Variants in SORCS3 observed in about 807,000 individuals in gnomAD.
The protein encoded by SORCS3 is VPS10 domain-containing receptor SorCS3.
In SORCS3, 57 loss-of-function variants were observed where a neutral mutation model predicts 146.3. The ratio of observed to expected loss-of-function variants is 0.39; its 90% confidence interval spans 0.31 to 0.49. The LOEUF is 0.49. Ranked by LOEUF, SORCS3 falls within the 20% of genes least tolerant of loss-of-function variation. The pLI, the probability that SORCS3 is intolerant of heterozygous loss-of-function variation, is 0.92. For missense variants in SORCS3, 1,341 were observed against 1,575.5 expected, an observed-to-expected ratio of 0.85 and a Z score of 2.52; for synonymous variants, 653 against 618.5, an observed-to-expected ratio of 1.06 and a Z score of -0.83.
intron 2 of SORCS3, among the ~76,000 whole-genome samples, chr10:104,884,543 C>G (rs1037528908): frequency 1.2e-4 from 18 of 152,112 alleles, no homozygotes; most frequent in African/African-American, 3.9e-4. Context: ...AGGTTTTCAA[C>G]TGGATGAGTA....
intron 3 of SORCS3, among the ~76,000 whole-genome samples, chr10:104,938,831 G>A (rs183251299): frequency 2.6e-5 from 4 of 152,318 alleles, no homozygotes; most frequent in Non-Finnish European, 4.4e-5. Flanking sequence ...GCCTTGCGGG[G>A]GAAGCCGTGA....
chr10:104,885,438 G>A (rs190584488), intron 2 of SORCS3, among the ~76,000 whole-genome samples: 1 of 152,202 alleles, frequency 6.6e-6, no homozygotes, highest in East Asian at 1.9e-4. Flanking sequence ...GAGATCCTTT[G>A]TGTAGGTGGC....
chr10:104,851,582 G>A (rs2018274665), intron 2 of SORCS3, among the ~76,000 whole-genome samples: 1 of 152,126 alleles, frequency 6.6e-6, no homozygotes, highest in Non-Finnish European at 1.5e-5. Context: ...TGCTCTCTAA[G>A]GTAGGCCTTA....
intron 6 of SORCS3, among the ~76,000 whole-genome samples, chr10:105,098,007 G>A (rs2055758498): frequency 6.6e-6 from 1 of 152,176 alleles, no homozygotes; most frequent in South Asian, 2.1e-4. Flanking sequence ...GCAAGATAAA[G>A]CCTAATACTT....
At chr10:104,926,852 G>A (rs917034176) in intron 3 of SORCS3, among the ~76,000 whole-genome samples, 8 of 152,146 alleles carry the variant, frequency 5.3e-5, no homozygotes, top group African/African-American at 1.4e-4. Context: ...ATGATTACTA[G>A]TTTTTTCTTT....
At chr10:104,980,969 T>G (rs1340653244) in intron 4 of SORCS3, among the ~76,000 whole-genome samples, 1 of 152,194 alleles carries the variant, frequency 6.6e-6, no homozygotes, top group African/African-American at 2.4e-5. Context: ...GGGAAACATG[T>G]CTACCTGATA....
rs937614452 is a variant in SORCS3 at position 105,061,524 on chromosome 10, T to C, written c.1028+18396T>C. On this transcript the variant is annotated intron_variant, in intron 5 of 26. Transcript: ENST00000369701. ...GTTAGCCAGGATGCTCTCGATCTCC[T>C]GACCTCGTGATCCACCTGCCTCGGC... Among the ~76,000 whole-genome samples, 13 of 151,996 alleles carry C rather than the reference T, an allele frequency of 8.6e-5. No homozygotes were observed. In the East Asian group the frequency reaches 1.9e-3, roughly 23 times the overall value.
intron 20 of SORCS3, among the ~76,000 whole-genome samples, chr10:105,234,145 A>G (rs1292889477): frequency 1.3e-5 from 2 of 152,136 alleles, no homozygotes; most frequent in Non-Finnish European, 2.9e-5. Context: ...TTTGCAGGGT[A>G]CGGAATTCTA....
At chr10:105,096,341 A>T (rs2055746824) in intron 6 of SORCS3, among the ~76,000 whole-genome samples, 1 of 152,198 alleles carries the variant, frequency 6.6e-6, no homozygotes, top group African/African-American at 2.4e-5. Context: ...AGAGCTTGTT[A>T]AAACATATAC....
chr10:104,747,199 T>C (rs1370042837), intron 1 of SORCS3, among the ~76,000 whole-genome samples: 1 of 152,206 alleles, frequency 6.6e-6, no homozygotes, highest in Non-Finnish European at 1.5e-5. Flanking sequence ...CCAGGATGGA[T>C]GGAAAATAAC....
At position 104,641,976 on chromosome 10, in the gene SORCS3, G is replaced by T; in HGVS notation, c.627+22G>T. On this transcript the variant is annotated intron_variant, in intron 1 of 26. Coordinates refer to ENST00000369701, the MANE Select transcript of SORCS3 (RefSeq NM_014978.3). This position sits in a 1 kb window ranked among gnomAD's most constrained non-coding sequence, Gnocchi z 6.4. Reference sequence around the variant, plus strand: ...CAGCGTGAGTACCCACCCGGCGGCGGGTCCGCCTGTTTCCTGACACCGAAG... The same window carrying T: ...CAGCGTGAGTACCCACCCGGCGGCGTGTCCGCCTGTTTCCTGACACCGAAG... The T allele has an allele frequency of 6.7e-7, 1 of 1,482,176 alleles. No homozygotes were observed. 91.8% of individuals were successfully genotyped at this position (1,482,176 alleles called of 1,614,324 possible).
chr10:105,219,113 GA>G, intron 19 of SORCS3, among the ~76,000 whole-genome samples: 1 of 152,194 alleles, frequency 6.6e-6, no homozygotes, highest in Non-Finnish European at 1.5e-5. Flanking sequence ...GTATCCCCAA[GA>G]CCACCACCAG....
At chr10:104,802,975 G>A (rs1349184331) in intron 1 of SORCS3, among the ~76,000 whole-genome samples, 1 of 138,912 alleles carries the variant, frequency 7.2e-6, no homozygotes, top group Admixed American at 7.1e-5. Flanking sequence ...GAGAGGGGAG[G>A]TAGTTCTGCT....
chr10:104,682,941 T>G (rs1445288660), intron 1 of SORCS3, among the ~76,000 whole-genome samples: 2 of 152,150 alleles, frequency 1.3e-5, no homozygotes, highest in Non-Finnish European at 2.9e-5. Context: ...GTCCAGGATT[T>G]TATCTAGTTG....
chr10:104,652,410 C>A (rs1352972456), intron 1 of SORCS3, among the ~76,000 whole-genome samples: 4 of 152,136 alleles, frequency 2.6e-5, no homozygotes, highest in Admixed American at 6.5e-5. Context: ...ATCCTGTTTA[C>A]TCCCTTTATG....
intron 3 of SORCS3, among the ~76,000 whole-genome samples, chr10:104,929,305 T>C (rs1180671578): frequency 6.6e-6 from 1 of 152,186 alleles, no homozygotes; most frequent in Non-Finnish European, 1.5e-5. Flanking sequence ...TAAATGAGCC[T>C]CTCTTCGGCT....
chr10:104,714,551 A>G (rs931848282), intron 1 of SORCS3, among the ~76,000 whole-genome samples: 2 of 152,172 alleles, frequency 1.3e-5, no homozygotes, highest in Non-Finnish European at 2.9e-5. Flanking sequence ...ATATTTGGGA[A>G]TTTTTACAAC....
chr10:105,111,325 C>T (rs2055857717), intron 7 of SORCS3, among the ~76,000 whole-genome samples: 1 of 152,124 alleles, frequency 6.6e-6, no homozygotes, highest in South Asian at 2.1e-4. Context: ...ATTATGTTTC[C>T]CCAGCCAGGT....
intron 25 of SORCS3, among the ~76,000 whole-genome samples, chr10:105,261,761 A>G (rs575640780): frequency 5.9e-5 from 9 of 152,300 alleles, no homozygotes; most frequent in Non-Finnish European, 1.3e-4. Flanking sequence ...CTTAATCCTT[A>G]ATCATCTCCA....
Sources: allele counts gnomAD v4.1 joint callset (sites outside exome capture counted in the v4.1 genomes callset), GRCh38; gene constraint gnomAD v4.1.1; non-coding constraint Gnocchi (gnomAD v3.1); transcripts MANE v1.5; gene names NCBI Gene and HGNC (gene_info 2026-07-23, HGNC 2026-07-21).